The following MYH14 variants were observed in gnomAD, a reference collection of about 807,000 sequenced individuals.
MYH14 encodes myosin-14.
In MYH14, 123 loss-of-function variants were observed where a neutral mutation model predicts 255.5. That is an observed-to-expected ratio of 0.48 (90% CI 0.42 to 0.56). The LOEUF is 0.56. Among genes scored for constraint, MYH14 ranks in the 20% least tolerant of loss-of-function variants. MYH14 has a pLI of 0.00. For missense variants in MYH14, 2,423 were observed against 2,802.3 expected, an observed-to-expected ratio of 0.86 and a Z score of 3.06; for synonymous variants, 1,095 against 1,161.2, an observed-to-expected ratio of 0.94 and a Z score of 1.16.
Position 50,309,090 on chromosome 19 carries a change from G to T in MYH14, c.5873G>T (p.Arg1958Leu), listed in dbSNP as rs1251535956. Residue 1958 changes from arginine (R) to leucine (L), a missense_variant, in exon 42 of 43, where the codon CGC becomes CTC. Arg to Leu is a moderately radical substitution (Grantham distance 102). Coordinates refer to ENST00000642316, the MANE Select transcript of MYH14 (RefSeq NM_001145809.2). ...EEEASRAQAG[R>L]RRLQRELEDV... Reference sequence around the variant, plus strand: ...GAGGCATCCCGGGCTCAGGCCGGCCGCCGGAGGCTGCAGCGTGAGCTGGAA... The same window carrying T: ...GAGGCATCCCGGGCTCAGGCCGGCCTCCGGAGGCTGCAGCGTGAGCTGGAA... 3 of 1,613,796 alleles carry T rather than the reference G, an allele frequency of 1.9e-6. No individual in the cohort carries two copies. The highest frequency in any genetic ancestry group is 2.5e-6 in the Non-Finnish European group (3 of 1,179,824).
chr19:50,217,223 T>G (rs937354349), intron 2 of MYH14, among the ~76,000 whole-genome samples: 20 of 152,208 alleles, frequency 1.3e-4, no homozygotes, highest in Non-Finnish European at 1.3e-4. Context: ...AAGAGCTTTG[T>G]AGGAATGCAT....
chr19:50,251,472 CATATATATATACACACAT>C (rs1198849763), intron 15 of MYH14, among the ~76,000 whole-genome samples: 1 of 140,662 alleles, frequency 7.1e-6, no homozygotes, highest in Non-Finnish European at 1.5e-5. Context: ...TATATATACA[CATATATATATACACACAT>C]ATATATATAC....
intron 3 of MYH14, among the ~76,000 whole-genome samples, chr19:50,220,509 TATTAA>T (rs1240669939): frequency 6.6e-6 from 1 of 151,420 alleles, no homozygotes; most frequent in Non-Finnish European, 1.5e-5. Context: ...TAGTATAACA[TATTAA>T]ATTAAATGGT....
intron 6 of MYH14, chr19:50,224,885 G>T (rs1568474317): frequency 2.2e-6 from 1 of 455,948 alleles, no homozygotes. Context: ...TGGGAGGATT[G>T]CTTGAGGCCA....
rs1179660184 is a variant in MYH14, at chr19:50,280,097, A to G, written c.4093A>G (p.Ser1365Gly). 1 of 1,610,414 alleles carries G rather than the reference A, an allele frequency of 6.2e-7. No homozygotes were observed. Among genetic ancestry groups the G allele is most frequent in the African/African-American group, 1.3e-5 (1 of 74,886 alleles). ...GGCTGAGTCCAAAACCATCCGTCTT[A>G]GCAAGGAGCTGAGCAGCACAGAAGC... ...NEAESKTIRLSKELSSTEAQL... is the reference protein window; with the variant it reads ...NEAESKTIRLGKELSSTEAQL... The change falls in exon 31 of 43, where the codon AGC becomes GGC. Residue 1365 changes from serine to glycine, a missense_variant. Around this residue, in one of 3 missense-constraint regions of MYH14, gnomAD observed 1,513 missense variants for 1,674.8 expected, o/e 0.90. Coordinates refer to ENST00000642316, the MANE Select transcript of MYH14 (RefSeq NM_001145809.2). This position sits in a 1 kb window ranked among gnomAD's most constrained non-coding sequence, Gnocchi z 4.8.
chr19:50,248,108 G>A (rs113494366), intron 12 of MYH14, among the ~76,000 whole-genome samples: 1 of 151,770 alleles, frequency 6.6e-6, no homozygotes, highest in South Asian at 2.1e-4. Context: ...AAGGAGGTCA[G>A]GTCAGTGAGG....
At chr19:50,233,496 G>C (rs567796161) in intron 10 of MYH14, among the ~76,000 whole-genome samples, 40 of 152,256 alleles carry the variant, frequency 2.6e-4, no homozygotes, top group Admixed American at 2.2e-3. Flanking sequence ...TCACCAAACA[G>C]CATGTTTTGA....
intron 33 of MYH14, chr19:50,285,508 T>C (rs1460543377): frequency 6.6e-6 from 1 of 152,240 alleles, no homozygotes; most frequent in East Asian, 1.9e-4. Flanking sequence ...TGATGTTGCT[T>C]TCATTTCCAT....
At chr19:50,291,355 G>A (rs1287013891) in intron 36 of MYH14, among the ~76,000 whole-genome samples, 1 of 151,002 alleles carries the variant, frequency 6.6e-6, no homozygotes, top group African/African-American at 2.4e-5. Context: ...AGGCTGGAGT[G>A]CAGCGACGTG....
chr19:50,299,667 G>A (rs904048257), intron 39 of MYH14, among the ~76,000 whole-genome samples: 9 of 151,946 alleles, frequency 5.9e-5, no homozygotes, highest in African/African-American at 9.7e-5. Flanking sequence ...ATATCTGGCC[G>A]GGCGTGATGG....
At chr19:50,229,738 G>T (rs2033282504) in intron 8 of MYH14, among the ~76,000 whole-genome samples, 1 of 152,216 alleles carries the variant, frequency 6.6e-6, no homozygotes, top group Non-Finnish European at 1.5e-5. Context: ...AGCATGCAGA[G>T]TGACAGTCTA....
At chr19:50,237,853 G>C (rs909510994) in intron 10 of MYH14, among the ~76,000 whole-genome samples, 13 of 152,166 alleles carry the variant, frequency 8.5e-5, no homozygotes, top group African/African-American at 3.1e-4. Flanking sequence ...CCTTTTCACA[G>C]ACTTTTTTTG....
In MYH14 at chr19:50,293,002, G is replaced by T. The variant is rs1601043025; in HGVS notation, c.5257-231G>T. On this transcript the variant is annotated intron_variant, in intron 37 of 42. Coordinates refer to ENST00000642316, the MANE Select transcript of MYH14 (RefSeq NM_001145809.2). This position sits in a 1 kb window ranked among gnomAD's most constrained non-coding sequence, Gnocchi z 4.1. ...AGAGGAGGACCTGTGTGCAGTAAAA[G>T]GTGGAGAGGGTGAGGGGCCTGGGGG... 6.6e-6 allele frequency among the ~76,000 whole-genome samples: 1 copy of T among 152,024 alleles called. No homozygotes were observed. The highest frequency in any genetic ancestry group is 6.6e-5 in the Admixed American group (1 of 15,246).
chr19:50,246,410 C>T (rs1368549516), intron 11 of MYH14, among the ~76,000 whole-genome samples: 1 of 151,956 alleles, frequency 6.6e-6, no homozygotes, highest in African/African-American at 2.4e-5. Flanking sequence ...CGAAGGGCCT[C>T]CCTGGGATTA....
chr19:50,282,051 C>T (rs1047917037), intron 33 of MYH14, among the ~76,000 whole-genome samples: 5 of 152,204 alleles, frequency 3.3e-5, no homozygotes, highest in African/African-American at 1.2e-4. Context: ...CATAATTCCT[C>T]GTAGCACCCA....
Position 50,280,178 on chromosome 19 carries a change from C to T in MYH14, c.4137+37C>T, listed in dbSNP as rs1212084470. ...TGCCCTTCGGCTCCACCGTCACCCTCCCCTCCTTGTCCTCCCAGCCACACC... is the reference window on the plus strand; with the variant it reads ...TGCCCTTCGGCTCCACCGTCACCCTTCCCTCCTTGTCCTCCCAGCCACACC... On this transcript the variant is annotated intron_variant, in intron 31 of 42. Coordinates refer to ENST00000642316, the MANE Select transcript of MYH14 (RefSeq NM_001145809.2). The surrounding 1 kb of genome is among the most constrained non-coding windows in gnomAD (Gnocchi z 4.8). The T allele has an allele frequency of 6.4e-7, 1 of 1,561,260 alleles. No individual in the cohort carries two copies. The highest frequency in any genetic ancestry group is 8.7e-7 in the Non-Finnish European group (1 of 1,153,516).
At chr19:50,245,079 A>G (rs1004175493) in intron 11 of MYH14, among the ~76,000 whole-genome samples, 1 of 152,166 alleles carries the variant, frequency 6.6e-6, no homozygotes, top group African/African-American at 2.4e-5. Context: ...TTATTATTAT[A>G]AAATAATACA....
chr19:50,302,295 A>AAAAAAAAAAAAAAAAC, intron 40 of MYH14, among the ~76,000 whole-genome samples: 1 of 146,112 alleles, frequency 6.8e-6, no homozygotes, highest in East Asian at 2.1e-4. Flanking sequence ...AAAAAAAAAA[A>AAAAAAAAAAAAAAAAC]AAACAGCCAG....
At chr19:50,277,134 G>A (rs548289328) in intron 29 of MYH14, among the ~76,000 whole-genome samples, 2 of 152,302 alleles carry the variant, frequency 1.3e-5, no homozygotes, top group East Asian at 3.9e-4. Context: ...GCCTTCCCTT[G>A]TGGAGCTTTC....
Sources: allele counts gnomAD v4.1 joint callset (sites outside exome capture counted in the v4.1 genomes callset), GRCh38; gene constraint gnomAD v4.1.1; regional missense constraint gnomAD v4.1.1; non-coding constraint Gnocchi (gnomAD v3.1); transcripts MANE v1.5; gene names NCBI Gene and HGNC (gene_info 2026-07-23, HGNC 2026-07-21).